PIEZO2: variants seen among roughly 807,000 people sequenced by gnomAD.
The protein encoded by PIEZO2 is piezo type mechanosensitive ion channel component 2, also known as piezo-type mechanosensitive ion channel component 2.
Under a neutral mutation model 337.3 loss-of-function variants are expected in PIEZO2, and 172 were observed. That is an observed-to-expected ratio of 0.51 (90% confidence interval 0.45 to 0.58). PIEZO2 has a LOEUF of 0.58. Ranked by LOEUF, PIEZO2 falls within the 20% of genes least tolerant of loss-of-function variation. The pLI, the probability that PIEZO2 is intolerant of heterozygous loss-of-function variation, is 0.00. For missense variants in PIEZO2, 3,028 were observed against 3,391.3 expected (o/e 0.89, Z 2.66); for synonymous variants, 1,251 against 1,228.5 (o/e 1.02, Z -0.38).
rs2039651039 is a variant in PIEZO2 at position 10,797,440 on chromosome 18, A to G, written c.1461T>C (p.His487=). The G allele has an allele frequency of 6.5e-7, 1 of 1,537,084 alleles. No individual in the cohort carries two copies. ...SREEKRSIKV[H]AMVSVFQFIM... is the part of the protein sequence containing the mutation. Reference sequence around the variant, plus strand: ...TAAATTGGAATACGGAGACCATGGCATGAACTTTGATACTTCTTTTTTCCT... The same window carrying G: ...TAAATTGGAATACGGAGACCATGGCGTGAACTTTGATACTTCTTTTTTCCT... The change falls in exon 12 of 56, where the codon CAT becomes CAC. Residue 487 remains histidine, a synonymous_variant. Transcript: ENST00000674853.
chr18:11,046,383 C>T (rs2037315560), intron 2 of PIEZO2, among the ~76,000 whole-genome samples: 1 of 152,338 alleles, frequency 6.6e-6, no homozygotes, highest in East Asian at 1.9e-4. Flanking sequence ...GTCAGCACAG[C>T]CTGTATCCTT....
chr18:10,720,305 CTG>C (rs533532890), intron 36 of PIEZO2, among the ~76,000 whole-genome samples: 1 of 114,926 alleles, frequency 8.7e-6, no homozygotes, highest in African/African-American at 4.0e-5. Flanking sequence ...TTCTCTCTCT[CTG>C]TGTGTATATA....
intron 11 of PIEZO2, among the ~76,000 whole-genome samples, chr18:10,798,919 C>G (rs10163617): frequency 6.6e-6 from 1 of 151,030 alleles, no homozygotes; most frequent in African/African-American, 2.4e-5. Context: ...AAACAGGGAA[C>G]GAAACAGTAG....
Position 10,748,278 on chromosome 18 carries a change from T to C in PIEZO2, c.4424+193A>G, listed in dbSNP as rs1031552101. Among the ~76,000 whole-genome samples, 3 of 152,206 alleles carry C rather than the reference T, an allele frequency of 2.0e-5. No individual in the cohort carries two copies. The highest frequency in any genetic ancestry group is 6.5e-5 in the Admixed American group (1 of 15,280). ...CACCCCCATTCCTTGAGAAGTCTGA[T>C]GGTTACATAGGCTTTCCTGTTACTA... On this transcript the variant is annotated intron_variant, in intron 30 of 55. Coordinates refer to ENST00000674853, the MANE Select transcript of PIEZO2 (RefSeq NM_001378183.1). This position sits in a 1 kb window ranked among gnomAD's most constrained non-coding sequence, Gnocchi z 5.1.
chr18:10,788,408 CAA>C (rs745769805), intron 15 of PIEZO2, among the ~76,000 whole-genome samples: 7 of 66,488 alleles, frequency 1.1e-4, no homozygotes, highest in Admixed American at 2.0e-4. Flanking sequence ...GACCCTGTCT[CAA>C]AAAAAAAAAA....
intron 42 of PIEZO2, among the ~76,000 whole-genome samples, chr18:10,703,983 G>A (rs1409549037): frequency 6.6e-6 from 1 of 152,176 alleles, no homozygotes; most frequent in Non-Finnish European, 1.5e-5. Flanking sequence ...AACCCCCGGT[G>A]GCGCCAGGCA....
At chr18:10,851,864 GAA>G (rs950491988) in intron 7 of PIEZO2, among the ~76,000 whole-genome samples, 1 of 151,994 alleles carries the variant, frequency 6.6e-6, no homozygotes, top group Non-Finnish European at 1.5e-5. Flanking sequence ...GCTTTACAGA[GAA>G]AGTTTGCCTG....
chr18:11,135,967 T>C (rs956478015), intron 1 of PIEZO2, among the ~76,000 whole-genome samples: 2 of 152,218 alleles, frequency 1.3e-5, no homozygotes, highest in Non-Finnish European at 2.9e-5. Context: ...GATAAGATAA[T>C]ATCTGACATT....
intron 21 of PIEZO2, among the ~76,000 whole-genome samples, chr18:10,763,578 G>A (rs945472500): frequency 5.3e-5 from 8 of 152,230 alleles, no homozygotes; most frequent in African/African-American, 1.9e-4. Flanking sequence ...AGAGTTGAAA[G>A]TGTGAAGTGC....
chr18:11,025,558 T>C (rs1183158152), intron 2 of PIEZO2, among the ~76,000 whole-genome samples: 1 of 152,112 alleles, frequency 6.6e-6, no homozygotes, highest in Non-Finnish European at 1.5e-5. Context: ...CTGGCGATCT[T>C]CTCCTGGCAA....
Position 10,807,179 on chromosome 18 carries a change from G to A in PIEZO2, c.1013C>T (p.Pro338Leu), listed in dbSNP as rs766490338. 28 of 1,537,162 alleles carry A rather than the reference G, an allele frequency of 1.8e-5. No individual in the cohort carries two copies. Among genetic ancestry groups the A allele is most frequent in the Middle Eastern group, 3.3e-4 (2 of 6,012 alleles). Residue 338 changes from proline (P) to leucine (L), a missense_variant, in exon 8 of 56, where the codon CCT becomes CTT. Pro to Leu is a moderately conservative substitution (Grantham distance 98). Around this residue, in one of 5 missense-constraint regions of PIEZO2, gnomAD observed 542 missense variants for 605.6 expected, o/e 0.89. Coordinates refer to ENST00000674853, the MANE Select transcript of PIEZO2 (RefSeq NM_001378183.1). ...PDLSWYHHAN[P>L]ILLLVMYYTL... The stretch of plus-strand genomic sequence containing the variant: ...GTAGTACATCACCAGCAGGAGGATA[G>A]GGTTGGCGTGGTGGTACCACGACAG...
chr18:10,788,418 A>AAAAAG (rs1484680573), intron 15 of PIEZO2, among the ~76,000 whole-genome samples: 1 of 132,818 alleles, frequency 7.5e-6, no homozygotes, highest in Non-Finnish European at 1.6e-5. Flanking sequence ...CAAAAAAAAA[A>AAAAAG]AAAGAAAGAA....
chr18:10,838,004 G>T (rs528313467), intron 7 of PIEZO2, among the ~76,000 whole-genome samples: 4 of 151,926 alleles, frequency 2.6e-5, no homozygotes, highest in African/African-American at 9.7e-5. Context: ...TGTCCGCCTC[G>T]GCCTCCCAAA....
At chr18:11,039,899 A>C (rs767313980) in intron 2 of PIEZO2, among the ~76,000 whole-genome samples, 9 of 152,162 alleles carry the variant, frequency 5.9e-5, no homozygotes, top group African/African-American at 2.4e-5. Context: ...CGAAAAGGAA[A>C]TACAACTGCA....
chr18:10,672,557 C>G lies in PIEZO2; in HGVS notation c.8345+133G>C. On this transcript the variant is annotated intron_variant, in intron 55 of 55. Transcript: ENST00000674853. The surrounding 1 kb of genome is among the most constrained non-coding windows in gnomAD (Gnocchi z 4.7). ...CTCATTTTTTGAAATAAAATGCACA[C>G]AAGGATGTGTGCATTTTAATACTGC... 1 of 984,010 alleles carries G rather than the reference C, an allele frequency of 1.0e-6. No homozygotes were observed. The highest frequency in any genetic ancestry group is 1.5e-6 in the Non-Finnish European group (1 of 670,764). 61.0% of individuals were successfully genotyped at this position (984,010 alleles called of 1,614,324 possible). A position where few individuals can be genotyped will look rare whatever the true frequency, so the allele number is the denominator to read the frequency against.
In PIEZO2 at chr18:10,746,227, C is replaced by G. The variant is rs2037416253; in HGVS notation, c.4425-1996G>C. Among the ~76,000 whole-genome samples the G allele has an allele frequency of 1.3e-5, 2 of 152,212 alleles. No homozygotes were observed. Among genetic ancestry groups the G allele is most frequent in the Admixed American group, 6.5e-5 (1 of 15,284 alleles). On this transcript the variant is annotated intron_variant, in intron 30 of 55. Coordinates refer to ENST00000674853, the MANE Select transcript of PIEZO2 (RefSeq NM_001378183.1). This position sits in a 1 kb window ranked among gnomAD's most constrained non-coding sequence, Gnocchi z 4.2. ...GTCATATTACTTGCTTGTTTAAACA[C>G]TGCAAGGCCTTCCTAAGACTGTGGG...
rs1349465813 is a variant in PIEZO2, at chr18:10,863,025, G to A, written c.493-5814C>T. Among the ~76,000 whole-genome samples the A allele has an allele frequency of 1.3e-5, 2 of 152,122 alleles. No homozygotes were observed. Among genetic ancestry groups the A allele is most frequent in the Admixed American group, 6.5e-5 (1 of 15,272 alleles). On this transcript the variant is annotated intron_variant, in intron 5 of 55. Transcript: ENST00000674853. This position sits in a 1 kb window ranked among gnomAD's most constrained non-coding sequence, Gnocchi z 4.3. ...TTCTCTTCTTCATGGTTAAAACCAA[G>A]CTTTTAAAAACATTTCTATAGAAGT... is the stretch of plus-strand genomic sequence containing the variant.
rs966069143 is a variant in PIEZO2 at position 11,105,021 on chromosome 18, C to T, written c.65-38799G>A. Reference sequence around the variant, plus strand: ...ACTTTTGTCATGGGAATCACTAGCTCGAAGTCTGTTAGCCTAAAATTACCA... The same window carrying T: ...ACTTTTGTCATGGGAATCACTAGCTTGAAGTCTGTTAGCCTAAAATTACCA... On this transcript the variant is annotated intron_variant, in intron 1 of 55. Transcript: ENST00000674853. This position sits in a 1 kb window ranked among gnomAD's most constrained non-coding sequence, Gnocchi z 4.3. Among the ~76,000 whole-genome samples, 1 of 152,100 alleles carries T rather than the reference C, an allele frequency of 6.6e-6. No individual in the cohort carries two copies. Among genetic ancestry groups the T allele is most frequent in the African/African-American group, 2.4e-5 (1 of 41,422 alleles).
intron 2 of PIEZO2, among the ~76,000 whole-genome samples, chr18:11,062,493 T>G (rs1407566259): frequency 6.6e-6 from 1 of 151,708 alleles, no homozygotes; most frequent in African/African-American, 2.4e-5. Context: ...TGGGAGAAAA[T>G]TTTTGCAATC....
Sources: gnomAD v4.1 joint callset for allele counts (sites outside exome capture counted in the v4.1 genomes callset) on GRCh38, gnomAD v4.1.1 for gene constraint, gnomAD v4.1.1 regional missense constraint, Gnocchi (gnomAD v3.1) non-coding constraint, MANE v1.5 for transcripts, NCBI Gene and HGNC (gene_info 2026-07-23, HGNC 2026-07-21) for gene names.